CUX1: variants seen among roughly 807,000 people sequenced by gnomAD.
CUX1 encodes protein CASP.
CUX1 carries 31 observed loss-of-function variants against 158.8 expected under a neutral mutation model. The observed-to-expected ratio is 0.20, with a 90% CI of 0.15 to 0.26. The LOEUF (loss-of-function observed/expected upper bound fraction) is 0.26, where lower values mean the gene tolerates loss of function less well. Ranked by LOEUF, CUX1 falls within the 10% of genes least tolerant of loss-of-function variation. CUX1 has a pLI of 1.00. For missense variants in CUX1, 1,589 were observed against 2,014.6 expected (o/e 0.79, Z 4.04); for synonymous variants, 879 against 862.1 (o/e 1.02, Z -0.34).
rs1198634861 is a variant in CUX1, at chr7:101,838,043, G to A, written c.30+20374G>A. ...TGGATGCAAACTTGTAAAATATGTGGCCTATTTTGTGTGTATACGTGGTTT... is the reference window on the plus strand; with the variant it reads ...TGGATGCAAACTTGTAAAATATGTGACCTATTTTGTGTGTATACGTGGTTT... On this transcript the variant is annotated intron_variant, in intron 1 of 23. Transcript: ENST00000292535. 2.6e-5 allele frequency among the ~76,000 whole-genome samples: 4 copies of A among 151,436 alleles called. 1 individual carries two copies. In the South Asian group the frequency reaches 6.2e-4, roughly 24 times the overall value.
chr7:102,128,044 C>T (rs770967527), intron 8 of CUX1, among the ~76,000 whole-genome samples: 10 of 152,190 alleles, frequency 6.6e-5, no homozygotes, highest in Non-Finnish European at 1.0e-4. Flanking sequence ...GACAGGGTTT[C>T]GCCAGTTGGC....
chr7:101,930,344 T>G (rs1335464955), intron 2 of CUX1, among the ~76,000 whole-genome samples: 2 of 152,238 alleles, frequency 1.3e-5, no homozygotes, highest in African/African-American at 4.8e-5. Context: ...GAAAGCCTTC[T>G]TAACTTACGG....
intron 2 of CUX1, among the ~76,000 whole-genome samples, chr7:102,000,433 C>G (rs1008230043): frequency 6.6e-6 from 1 of 152,230 alleles, no homozygotes; most frequent in African/African-American, 2.4e-5. Flanking sequence ...TCTCATCCGC[C>G]TCTTGTGGAA....
intron 8 of CUX1, among the ~76,000 whole-genome samples, chr7:102,153,005 A>G (rs1478644691): frequency 6.6e-5 from 10 of 152,342 alleles, no homozygotes; most frequent in African/African-American, 2.2e-4. Flanking sequence ...TGACCAGGAG[A>G]TGGAAAACTT....
intron 4 of CUX1, among the ~76,000 whole-genome samples, chr7:102,084,690 T>C (rs1327767376): frequency 6.7e-6 from 1 of 148,154 alleles, no homozygotes; most frequent in Admixed American, 6.8e-5. Flanking sequence ...CCCAAAGTAC[T>C]GGGATTACAG....
chr7:102,247,062 T>C (rs1318955190), intron 23 of CUX1, among the ~76,000 whole-genome samples: 2 of 152,054 alleles, frequency 1.3e-5, no homozygotes, highest in Admixed American at 6.6e-5. Flanking sequence ...GGCATGGTGG[T>C]ATACACCTGT....
In CUX1 at chr7:102,255,413, G is replaced by T. The variant is rs1554541702; in HGVS notation, c.*6371G>T. ...AAAAAAAAAAAGACAAAAAAAAAAGGCTGGCGAGAGAAAGACATTTGGCTA... is the reference window on the plus strand; with the variant it reads ...AAAAAAAAAAAGACAAAAAAAAAAGTCTGGCGAGAGAAAGACATTTGGCTA... On this transcript the variant is annotated 3_prime_UTR_variant, in exon 24 of 24. Transcript: ENST00000292535. 8 of 984,018 alleles carry T rather than the reference G, an allele frequency of 8.1e-6. No homozygotes were observed. In the South Asian group the frequency reaches 2.4e-4, roughly 29 times the overall value. The allele number at this position is 984,018 out of a possible 1,614,324, so 61.0% of individuals were successfully genotyped here. A position where few individuals can be genotyped will look rare whatever the true frequency, so the allele number is the denominator to read the frequency against.
intron 10 of CUX1, among the ~76,000 whole-genome samples, chr7:102,173,562 C>T (rs1791965716): frequency 6.6e-6 from 1 of 152,178 alleles, no homozygotes; most frequent in Admixed American, 6.5e-5. Context: ...AGGCAGCCTT[C>T]AGGACAGGGT....
At chr7:101,829,997 C>T (rs749990996) in intron 1 of CUX1, among the ~76,000 whole-genome samples, 6 of 152,324 alleles carry the variant, frequency 3.9e-5, no homozygotes, top group Admixed American at 1.3e-4. Context: ...CCCAGAGGAG[C>T]GGCCTGCCCT....
At chr7:102,277,910 G>C (rs1554548072) in intron 17 of CUX1, 1 of 1,202,202 alleles carries the variant, frequency 8.3e-7, no homozygotes. Context: ...CAGCACGGAG[G>C]CCTCTCCCCC....
At chr7:101,885,642 C>T (rs1197860896) in intron 1 of CUX1, among the ~76,000 whole-genome samples, 1 of 152,164 alleles carries the variant, frequency 6.6e-6, no homozygotes, top group African/African-American at 2.4e-5. Flanking sequence ...CCTTAAAGGC[C>T]AGCTCAGTGA....
chr7:102,209,644 A>G (rs1282873663), intron 20 of CUX1, among the ~76,000 whole-genome samples: 1 of 152,162 alleles, frequency 6.6e-6, no homozygotes, highest in Non-Finnish European at 1.5e-5. Flanking sequence ...AACCAGGGTC[A>G]TCTTTGATCT....
chr7:101,973,645 A>C (rs752467335), intron 2 of CUX1, among the ~76,000 whole-genome samples: 3 of 152,006 alleles, frequency 2.0e-5, no homozygotes, highest in Non-Finnish European at 4.4e-5. Flanking sequence ...CCCCACCTGG[A>C]CCCCTGAATT....
At chr7:101,840,743 CATG>C (rs1404371802) in intron 1 of CUX1, among the ~76,000 whole-genome samples, 1 of 152,084 alleles carries the variant, frequency 6.6e-6, no homozygotes, top group Non-Finnish European at 1.5e-5. Context: ...ATTTATATAA[CATG>C]AGGATTATCT....
At chr7:102,052,910 C>T (rs12113028) in intron 3 of CUX1, among the ~76,000 whole-genome samples, 10,389 of 151,926 alleles carry the variant, frequency 0.068, 555 homozygotes, top group African/African-American at 0.15. Context: ...CAGGTTCAAG[C>T]GATTCTCCTG....
intron 2 of CUX1, among the ~76,000 whole-genome samples, chr7:101,996,444 T>TA (rs1815902523): frequency 6.6e-6 from 1 of 152,052 alleles, no homozygotes; most frequent in South Asian, 2.1e-4. Flanking sequence ...GCAGCCCTGT[T>TA]ACAGCACGTT....
rs1801083994 is a variant in CUX1, at chr7:102,248,600, G to C, written c.4076G>C (p.Gly1359Ala). The C allele has an allele frequency of 4.8e-6, 7 of 1,466,890 alleles. No individual in the cohort carries two copies. The highest frequency in any genetic ancestry group is 1.3e-5 in the South Asian group (1 of 78,142). 90.9% of individuals were successfully genotyped at this position (1,466,890 alleles called of 1,614,324 possible). The change falls in exon 24 of 24, where the codon GGA (glycine) becomes GCA (alanine). Residue 1359 changes from glycine (G) to alanine (A), a missense_variant. This residue lies in a region of CUX1 where 344 missense variants were observed against 323.7 expected (regional missense o/e 1.06). Coordinates refer to ENST00000292535, the MANE Select transcript of CUX1 (RefSeq NM_181552.4). The surrounding 1 kb of genome is among the most constrained non-coding windows in gnomAD (Gnocchi z 5.8). ...SADTEEPKSQ[G>A]EAEREEVPRP... Reference sequence around the variant, plus strand: ...GACACCGAGGAGCCCAAGTCTCAGGGAGAGGCCGAGCGGGAGGAGGTGCCG... The same window carrying C: ...GACACCGAGGAGCCCAAGTCTCAGGCAGAGGCCGAGCGGGAGGAGGTGCCG...
chr7:101,942,413 A>G (rs77289775), intron 2 of CUX1, among the ~76,000 whole-genome samples: 1,535 of 152,240 alleles, frequency 0.01, 24 homozygotes, highest in African/African-American at 0.035. Flanking sequence ...ATTTCAAGCA[A>G]TCTCCATTTT....
intron 8 of CUX1, among the ~76,000 whole-genome samples, chr7:102,148,813 C>G (rs115077926): frequency 0.014 from 2,148 of 151,222 alleles, 41 homozygotes; most frequent in African/African-American, 0.048. Context: ...ACACTGCACC[C>G]AATATATAGT....
Sources: gnomAD v4.1 joint callset for allele counts (sites outside exome capture counted in the v4.1 genomes callset) on GRCh38, gnomAD v4.1.1 for gene constraint, gnomAD v4.1.1 regional missense constraint, Gnocchi (gnomAD v3.1) non-coding constraint, MANE v1.5 for transcripts, NCBI Gene and HGNC (gene_info 2026-07-23, HGNC 2026-07-21) for gene names.